The following CCDC7 variants were observed in gnomAD, a reference collection of about 807,000 sequenced individuals.
The protein encoded by CCDC7 is coiled-coil domain-containing protein 7.
In CCDC7, 183 loss-of-function variants were observed where a neutral mutation model predicts 196.9. That is an observed-to-expected ratio of 0.93 (90% CI 0.82 to 1.05). CCDC7 has a LOEUF of 1.05. Ranked by LOEUF, CCDC7 falls within the 50% of genes least tolerant of loss-of-function variation. The pLI, the probability that CCDC7 is intolerant of heterozygous loss-of-function variation, is 0.00. For missense variants in CCDC7, 1,540 were observed against 1,482.2 expected, an observed-to-expected ratio of 1.04 and a Z score of -0.64; for synonymous variants, 525 against 484.6, an observed-to-expected ratio of 1.08 and a Z score of -1.10.
chr10:32,548,398 CA>C (rs960488730), intron 13 of CCDC7, among the ~76,000 whole-genome samples: 5 of 152,166 alleles, frequency 3.3e-5, no homozygotes, highest in African/African-American at 1.2e-4. Context: ...AGCAGGTGAT[CA>C]GGGGTGACTC....
intron 28 of CCDC7, among the ~76,000 whole-genome samples, chr10:32,752,059 GCCTACGCTTTTGA>G (rs1299292254): frequency 6.6e-6 from 1 of 151,992 alleles, no homozygotes; most frequent in Non-Finnish European, 1.5e-5. Context: ...CTCAACTTTG[GCCTACGCTTTTGA>G]CAATTTCAGC....
chr10:32,816,505 C>G (rs1052831557), intron 31 of CCDC7, among the ~76,000 whole-genome samples: 1 of 152,228 alleles, frequency 6.6e-6, no homozygotes, highest in Non-Finnish European at 1.5e-5. Flanking sequence ...TCCTAGCACG[C>G]AGCTGGAGAT....
At chr10:32,518,058 C>T in intron 10 of CCDC7, 83 bp downstream of exon 11, 1 of 1,435,316 alleles carries the variant, frequency 7.0e-7, no homozygotes, top group Non-Finnish European at 9.3e-7. Flanking sequence ...ATACATAATC[C>T]TATATAAAGA....
At chr10:32,783,676 A>G (rs562064253) in intron 29 of CCDC7, among the ~76,000 whole-genome samples, 18 of 152,220 alleles carry the variant, frequency 1.2e-4, no homozygotes, top group Non-Finnish European at 2.4e-4. Context: ...AAAGAATTGA[A>G]AACAGGTACT....
chr10:32,445,719 T>C (rs1468353414), upstream of CCDC7, among the ~76,000 whole-genome samples: 3 of 152,330 alleles, frequency 2.0e-5, no homozygotes, highest in East Asian at 5.8e-4. Context: ...GATTTTGTTT[T>C]GCTTTTAAGA....
At chr10:32,632,582 TAA>T (rs1429035624) in intron 18 of CCDC7, among the ~76,000 whole-genome samples, 1 of 152,112 alleles carries the variant, frequency 6.6e-6, no homozygotes, top group Admixed American at 6.6e-5. Context: ...TTTGCAGCTG[TAA>T]AATTCCTCTA....
At chr10:32,861,027 C>T (rs1458351866) in intron 41 of CCDC7, among the ~76,000 whole-genome samples, 1 of 147,810 alleles carries the variant, frequency 6.8e-6, no homozygotes, top group African/African-American at 2.5e-5. Context: ...ATCAAGCTAC[C>T]ATTGACTTTC....
intron 3 of CCDC7, among the ~76,000 whole-genome samples, chr10:32,457,167 T>G (rs2034543397): frequency 6.6e-6 from 1 of 152,042 alleles, no homozygotes; most frequent in Non-Finnish European, 1.5e-5. Context: ...CTTTCCAACC[T>G]CTAGTAATCA....
At chr10:32,596,115 G>C (rs1468962162) in intron 18 of CCDC7, among the ~76,000 whole-genome samples, 2 of 152,064 alleles carry the variant, frequency 1.3e-5, no homozygotes, top group East Asian at 3.9e-4. Context: ...TTTCTGTCTG[G>C]TCGATCTGTC....
Position 32,540,280 on chromosome 10 carries a change from T to C in CCDC7, c.994-3020T>C, listed in dbSNP as rs557566525. On this transcript the variant is annotated intron_variant, in intron 11 of 41. Coordinates refer to ENST00000639629, the Ensembl canonical transcript of CCDC7. ...ACCCTTTACCAATATGTACTGCCCATCTTTACCTTTTTTGATCTTTATTTG... is the reference window on the plus strand; with the variant it reads ...ACCCTTTACCAATATGTACTGCCCACCTTTACCTTTTTTGATCTTTATTTG... Among the ~76,000 whole-genome samples, 20 of 152,334 alleles carry C rather than the reference T, an allele frequency of 1.3e-4. No homozygotes were observed. The East Asian group carries it at 3.1e-3, about 24-fold the overall frequency.
At chr10:32,539,009 A>G (rs967495803) in intron 11 of CCDC7, among the ~76,000 whole-genome samples, 1 of 152,162 alleles carries the variant, frequency 6.6e-6, no homozygotes, top group African/African-American at 2.4e-5. Context: ...AGAATGAGTT[A>G]GGGAGGAGTC....
At chr10:32,710,491 A>G (rs2080641996) in intron 24 of CCDC7, among the ~76,000 whole-genome samples, 1 of 152,210 alleles carries the variant, frequency 6.6e-6, no homozygotes, top group African/African-American at 2.4e-5. Flanking sequence ...TTGCCCCACC[A>G]GGCATCTTTG....
intron 41 of CCDC7, among the ~76,000 whole-genome samples, chr10:32,855,600 G>C (rs1004299683): frequency 2.0e-5 from 3 of 152,278 alleles, no homozygotes; most frequent in African/African-American, 7.2e-5. Flanking sequence ...TGCTGCCACT[G>C]ATCTGACAGG....
At chr10:32,521,958 T>C (rs2047947383) in intron 11 of CCDC7, among the ~76,000 whole-genome samples, 1 of 152,192 alleles carries the variant, frequency 6.6e-6, no homozygotes, top group African/African-American at 2.4e-5. Context: ...ATTGAAATGA[T>C]CACATGGTTT....
At chr10:32,777,829 A>G (rs2080346850) in intron 28 of CCDC7, among the ~76,000 whole-genome samples, 2 of 152,148 alleles carry the variant, frequency 1.3e-5, no homozygotes. Flanking sequence ...GTGCCACTGC[A>G]CTCCAGCCTG....
chr10:32,710,056 G>C (rs1459594228), intron 24 of CCDC7, among the ~76,000 whole-genome samples: 1 of 152,148 alleles, frequency 6.6e-6, no homozygotes, highest in Non-Finnish European at 1.5e-5. Context: ...AGAAGGGCTT[G>C]GGTGTTCCCT....
chr10:32,882,140 A>G (rs1271322249), intron 22 of CCDC7, among the ~76,000 whole-genome samples: 3 of 152,226 alleles, frequency 2.0e-5, no homozygotes, highest in Non-Finnish European at 4.4e-5. Context: ...TTGCAATAGA[A>G]GAGGGAGATT....
chr10:32,786,564 C>A (rs1219037829), intron 29 of CCDC7, among the ~76,000 whole-genome samples: 31 of 152,204 alleles, frequency 2.0e-4, no homozygotes, highest in Admixed American at 2.0e-3. Flanking sequence ...AGTTCGAGAC[C>A]AGCCTGGCCA....
chr10:32,849,109 G>A (rs184339793), intron 39 of CCDC7, among the ~76,000 whole-genome samples: 1 of 141,856 alleles, frequency 7.0e-6, no homozygotes, highest in East Asian at 2.0e-4. Context: ...GGATTGCTGG[G>A]TTTTGTTTTT....
Sources: gnomAD v4.1 joint callset for allele counts (sites outside exome capture counted in the v4.1 genomes callset) on GRCh38, gnomAD v4.1.1 for gene constraint, MANE v1.5 for transcripts, NCBI Gene and HGNC (gene_info 2026-07-23, HGNC 2026-07-21) for gene names.